STAG1: variants seen among roughly 807,000 people sequenced by gnomAD.
STAG1 encodes STAG1 cohesin complex component, also known as cohesin subunit SA-1.
STAG1 carries 26 observed loss-of-function variants against 170.9 expected under a neutral mutation model. The observed-to-expected ratio is 0.15, with a 90% CI of 0.11 to 0.21. STAG1 has a LOEUF of 0.21. Ranked by LOEUF, STAG1 falls within the 10% of genes least tolerant of loss-of-function variation. The probability of loss-of-function intolerance (pLI) is 1.00; values close to 1 mark genes in which losing one functional copy is unlikely to be tolerated. For synonymous variants in STAG1, 514 were observed against 497.7 expected (o/e 1.03, Z -0.44); for missense variants, 964 against 1,509.5 (o/e 0.64, Z 5.99).
At chr3:136,688,794 C>T (rs890563168) in intron 1 of STAG1, among the ~76,000 whole-genome samples, 2 of 152,162 alleles carry the variant, frequency 1.3e-5, no homozygotes, top group Non-Finnish European at 2.9e-5. Context: ...CCTAAATGTA[C>T]AAAACAGCCT....
chr3:136,670,499 A>G (rs1941945755), intron 1 of STAG1, among the ~76,000 whole-genome samples: 1 of 152,160 alleles, frequency 6.6e-6, no homozygotes, highest in South Asian at 2.1e-4. Flanking sequence ...GGAGCAGAGA[A>G]GGACAGAATC....
At chr3:136,522,061 C>A (rs1934706604) in intron 6 of STAG1, among the ~76,000 whole-genome samples, 1 of 152,130 alleles carries the variant, frequency 6.6e-6, no homozygotes, top group Admixed American at 6.6e-5. Context: ...TAGAGTACAA[C>A]CCAATTGGTT....
intron 1 of STAG1, among the ~76,000 whole-genome samples, chr3:136,634,464 C>A (rs574022860): frequency 6.6e-6 from 1 of 151,576 alleles, no homozygotes; most frequent in Non-Finnish European, 1.5e-5. Context: ...AAACCCTTAA[C>A]AACAGAATCT....
At chr3:136,727,659 G>A (rs1055277095) in intron 1 of STAG1, among the ~76,000 whole-genome samples, 16 of 152,242 alleles carry the variant, frequency 1.1e-4, no homozygotes, top group Middle Eastern at 3.4e-3. Context: ...CATGCTAGGT[G>A]TAACAGGTTA....
At chr3:136,507,161 T>A (rs548746733) in intron 7 of STAG1, among the ~76,000 whole-genome samples, 9 of 152,176 alleles carry the variant, frequency 5.9e-5, no homozygotes, top group Non-Finnish European at 1.3e-4. Context: ...GACATAGAAT[T>A]TGAGTATAGG....
chr3:136,504,476 T>C (rs1394835455), intron 7 of STAG1, among the ~76,000 whole-genome samples: 2 of 152,206 alleles, frequency 1.3e-5, no homozygotes, highest in Admixed American at 6.5e-5. Context: ...TTTTGAGTTT[T>C]GTGTGTTGCC....
chr3:136,356,024 A>C (rs973585028), intron 28 of STAG1, among the ~76,000 whole-genome samples: 1 of 148,580 alleles, frequency 6.7e-6, no homozygotes, highest in Non-Finnish European at 1.5e-5. Flanking sequence ...ATATTACCCC[A>C]TTTCAGTGCC....
In STAG1 at chr3:136,354,735, G is replaced by A. The variant is rs376900685; in HGVS notation, c.3065+2985C>T. Among the ~76,000 whole-genome samples the A allele has an allele frequency of 9.2e-4, 8 of 8,688 alleles. No individual in the cohort carries two copies. The East Asian group carries it at 0.015, about 16-fold the overall frequency. 5.7% of individuals were successfully genotyped at this position (8,688 alleles called of 152,430 possible). ...AAACATACATTTAATATAAAAGAAG[G>A]CAGTAAAGGAGAAAGAACCAAAAAA... is the stretch of plus-strand genomic sequence containing the variant. On this transcript the variant is annotated intron_variant, in intron 28 of 33. Coordinates refer to ENST00000383202, the MANE Select transcript of STAG1 (RefSeq NM_005862.3).
At chr3:136,507,356 A>T (rs998958829) in intron 7 of STAG1, among the ~76,000 whole-genome samples, 1 of 152,118 alleles carries the variant, frequency 6.6e-6, no homozygotes, top group African/African-American at 2.4e-5. Flanking sequence ...ACCATATAAA[A>T]TTTTTTTACT....
chr3:136,354,753 C>A (rs201255164), intron 28 of STAG1, among the ~76,000 whole-genome samples: 17 of 608 alleles, frequency 0.028, no homozygotes, highest in African/African-American at 0.047. Flanking sequence ...GGAGAAAGAA[C>A]CAAAAAAAAA....
intron 7 of STAG1, among the ~76,000 whole-genome samples, chr3:136,507,399 T>C (rs1206588701): frequency 6.6e-6 from 1 of 152,204 alleles, no homozygotes; most frequent in Non-Finnish European, 1.5e-5. Context: ...GGTCTTGCTC[T>C]GTCACTCAGA....
intron 4 of STAG1, among the ~76,000 whole-genome samples, chr3:136,576,762 T>C (rs1559888033): frequency 1.3e-5 from 2 of 152,198 alleles, no homozygotes; most frequent in African/African-American, 4.8e-5. Context: ...ATCTACATAG[T>C]ACAGAGTCCA....
intron 1 of STAG1, among the ~76,000 whole-genome samples, chr3:136,739,974 T>C (rs1934574804): frequency 6.6e-6 from 1 of 152,228 alleles, no homozygotes; most frequent in African/African-American, 2.4e-5. Flanking sequence ...GGATAAAGAT[T>C]GGCTGAAGTT....
intron 5 of STAG1, among the ~76,000 whole-genome samples, chr3:136,553,631 G>A (rs113823771): frequency 0.053 from 8,116 of 152,212 alleles, 251 homozygotes; most frequent in South Asian, 0.079. Flanking sequence ...AAAATTAGCC[G>A]GGTGTGGTGG....
chr3:136,392,343 A>G (rs1160333959), intron 22 of STAG1, among the ~76,000 whole-genome samples: 2 of 152,220 alleles, frequency 1.3e-5, no homozygotes, highest in Non-Finnish European at 2.9e-5. Flanking sequence ...GATTATGCAT[A>G]TATTAAAAAT....
At chr3:136,513,844 T>C (rs1424198372) in intron 7 of STAG1, among the ~76,000 whole-genome samples, 1 of 151,866 alleles carries the variant, frequency 6.6e-6, no homozygotes, top group Non-Finnish European at 1.5e-5. Context: ...ATAGGGGATC[T>C]AAAAAAGAAA....
intron 4 of STAG1, chr3:136,586,805 A>T (rs552602754): frequency 3.5e-5 from 16 of 456,404 alleles, no homozygotes; most frequent in Non-Finnish European, 5.7e-5. Flanking sequence ...AGCTCACCTG[A>T]GTATGTGGTA....
At chr3:136,555,042 T>C (rs1413283884) in intron 5 of STAG1, among the ~76,000 whole-genome samples, 1 of 149,984 alleles carries the variant, frequency 6.7e-6, no homozygotes, top group African/African-American at 2.4e-5. Context: ...CACAACTATA[T>C]ATATACATAT....
chr3:136,593,172 C>T (rs937958175), intron 4 of STAG1, among the ~76,000 whole-genome samples: 2 of 152,112 alleles, frequency 1.3e-5, no homozygotes, highest in Non-Finnish European at 2.9e-5. Flanking sequence ...TGGTCACTCG[C>T]GCATGTTTTT....
Sources: allele counts gnomAD v4.1 joint callset (sites outside exome capture counted in the v4.1 genomes callset), GRCh38; gene constraint gnomAD v4.1.1; transcripts MANE v1.5; gene names NCBI Gene and HGNC (gene_info 2026-07-23, HGNC 2026-07-21).